Variants in GPC5 observed in about 807,000 individuals in gnomAD.
GPC5 encodes glypican-5.
In GPC5, 47 loss-of-function variants were observed where a neutral mutation model predicts 53.9. The observed-to-expected ratio is 0.87, with a 90% CI of 0.69 to 1.11. GPC5 has a LOEUF of 1.11. GPC5 is among the 50% of genes most tolerant of loss of function. The pLI, the probability that GPC5 is intolerant of heterozygous loss-of-function variation, is 0.00. For synonymous variants in GPC5, 286 were observed against 263.3 expected, an observed-to-expected ratio of 1.09 and a Z score of -0.84; for missense variants, 748 against 713.1, an observed-to-expected ratio of 1.05 and a Z score of -0.56.
At chr13:92,505,936 A>G (rs771314190) in intron 7 of GPC5, among the ~76,000 whole-genome samples, 3 of 152,142 alleles carry the variant, frequency 2.0e-5, no homozygotes, top group Non-Finnish European at 4.4e-5. Flanking sequence ...AAAACAGATC[A>G]GTGGTTGACA....
chr13:92,074,340 A>G (rs2041236193), intron 6 of GPC5, among the ~76,000 whole-genome samples: 1 of 152,196 alleles, frequency 6.6e-6, no homozygotes, highest in Non-Finnish European at 1.5e-5. Context: ...TAAATAATAT[A>G]TGTTTAGAGA....
At chr13:92,309,415 A>G (rs1594089526) in intron 7 of GPC5, among the ~76,000 whole-genome samples, 1 of 150,024 alleles carries the variant, frequency 6.7e-6, no homozygotes. Context: ...TTATTGTGTT[A>G]TTATAAGACT....
At chr13:92,301,443 AAGTT>A (rs1305050094) in intron 7 of GPC5, among the ~76,000 whole-genome samples, 1 of 152,228 alleles carries the variant, frequency 6.6e-6, no homozygotes, top group Non-Finnish European at 1.5e-5. Context: ...AACTATCTGA[AAGTT>A]AGAGAACTTA....
At chr13:92,366,093 A>G (rs1177736062) in intron 7 of GPC5, among the ~76,000 whole-genome samples, 1 of 151,686 alleles carries the variant, frequency 6.6e-6, no homozygotes, top group Non-Finnish European at 1.5e-5. Context: ...TGAGTAATGC[A>G]TCCTGCTATG....
intron 7 of GPC5, among the ~76,000 whole-genome samples, chr13:92,674,820 T>G (rs1166907608): frequency 6.6e-6 from 1 of 152,022 alleles, no homozygotes; most frequent in Non-Finnish European, 1.5e-5. Context: ...GAACCTCACT[T>G]TAGAGAGAAA....
chr13:91,896,215 G>A (rs1265536254), intron 5 of GPC5, among the ~76,000 whole-genome samples: 2 of 151,248 alleles, frequency 1.3e-5, no homozygotes, highest in East Asian at 1.9e-4. Flanking sequence ...CACCTCCCGG[G>A]TTCAAGCAAT....
intron 7 of GPC5, among the ~76,000 whole-genome samples, chr13:92,432,725 G>A (rs1877148152): frequency 6.6e-6 from 1 of 151,846 alleles, no homozygotes; most frequent in Non-Finnish European, 1.5e-5. Context: ...CTTTTTTTAA[G>A]TTAGAGAAGT....
At chr13:92,671,954 C>T (rs1157641044) in intron 7 of GPC5, among the ~76,000 whole-genome samples, 1 of 152,074 alleles carries the variant, frequency 6.6e-6, no homozygotes, top group African/African-American at 2.4e-5. Context: ...AGAACCTGAA[C>T]AAAACTCATT....
chr13:91,693,749 C>G lies in GPC5; in HGVS notation c.888C>G (p.Ile296Met). 1.2e-6 allele frequency: 2 copies of G among 1,614,130 alleles called. No individual in the cohort carries two copies. The highest frequency in any genetic ancestry group is 1.7e-6 in the Non-Finnish European group (2 of 1,180,020). The change falls in exon 3 of 8, where the codon ATC becomes ATG. Residue 296 changes from isoleucine (I) to methionine (M), a missense_variant. Coordinates refer to ENST00000377067, the MANE Select transcript of GPC5 (RefSeq NM_004466.6). Reference protein sequence around the residue: ...AELNPHWHAYIRSLEELSDAM... With the variant: ...AELNPHWHAYMRSLEELSDAM... ...TTAATCCACACTGGCATGCATATAT[C>G]CGGTCGTTGGAAGAACTCTCGGATG...
intron 1 of GPC5, among the ~76,000 whole-genome samples, chr13:91,420,619 A>G (rs1594064781): frequency 1.3e-5 from 2 of 152,210 alleles, no homozygotes; most frequent in South Asian, 2.1e-4. Context: ...TTCCTCTCTC[A>G]TATGGTTTGG....
At position 92,599,805 on chromosome 13, in the gene GPC5, CT is replaced by C. The variant is rs921036323; in HGVS notation, c.1562-266468del. Among the ~76,000 whole-genome samples, 63 of 23,994 alleles carry C rather than the reference CT, an allele frequency of 2.6e-3. 1 individual carries two copies. The highest frequency in any genetic ancestry group is 0.013 in the Admixed American group (19 of 1,422). 15.7% of individuals were successfully genotyped at this position (23,994 alleles called of 152,430 possible). A position where few individuals can be genotyped will look rare whatever the true frequency, so the allele number is the denominator to read the frequency against. On this transcript the variant is annotated intron_variant, in intron 7 of 7. Coordinates refer to ENST00000377067, the MANE Select transcript of GPC5 (RefSeq NM_004466.6). ...ATTAAGAGAGAGGGTTAAATTAAGA[CT>C]TTTTTTTTGTAAAAAAAAATTATTC...
chr13:91,934,265 T>G (rs2139036007), intron 6 of GPC5, among the ~76,000 whole-genome samples: 2 of 152,032 alleles, frequency 1.3e-5, no homozygotes, highest in Middle Eastern at 3.4e-3. Flanking sequence ...AATAATTAAT[T>G]GAAAGCATTT....
chr13:92,299,957 G>T (rs184339623), intron 7 of GPC5, among the ~76,000 whole-genome samples: 49 of 152,270 alleles, frequency 3.2e-4, no homozygotes, highest in Admixed American at 1.3e-3. Flanking sequence ...GTTCTGTAAG[G>T]AGTGTTCCTT....
intron 7 of GPC5, among the ~76,000 whole-genome samples, chr13:92,409,678 A>G (rs1875957343): frequency 6.8e-6 from 1 of 147,572 alleles, no homozygotes. Flanking sequence ...GTTTCAAAGA[A>G]TCTATCCTAG....
chr13:92,681,516 A>T (rs1448020363), intron 7 of GPC5, among the ~76,000 whole-genome samples: 1 of 152,034 alleles, frequency 6.6e-6, no homozygotes, highest in Admixed American at 6.6e-5. Flanking sequence ...CAGCCTCTAC[A>T]CGACTATCAG....
intron 7 of GPC5, among the ~76,000 whole-genome samples, chr13:92,675,137 A>G (rs568662689): frequency 6.7e-6 from 1 of 149,602 alleles, no homozygotes; most frequent in South Asian, 2.2e-4. Context: ...TATCTGATAT[A>G]TATCTTTCAG....
intron 7 of GPC5, among the ~76,000 whole-genome samples, chr13:92,506,194 A>T (rs188235931): frequency 1.2e-4 from 18 of 152,304 alleles, no homozygotes; most frequent in Admixed American, 1.1e-3. Context: ...AGCTTGGAAG[A>T]TGAGCTGCAT....
At chr13:91,603,923 A>AT (rs200727259) in intron 2 of GPC5, among the ~76,000 whole-genome samples, 25 of 142,534 alleles carry the variant, frequency 1.8e-4, no homozygotes, top group East Asian at 6.3e-4. Flanking sequence ...TTCTAGTAGT[A>AT]TTTTTTTTTC....
chr13:91,568,034 A>G (rs1458974731), intron 2 of GPC5, among the ~76,000 whole-genome samples: 1 of 152,112 alleles, frequency 6.6e-6, no homozygotes, highest in Non-Finnish European at 1.5e-5. Context: ...TCACATGCTA[A>G]CACACTCTCC....
Sources: gnomAD v4.1 joint callset for allele counts (sites outside exome capture counted in the v4.1 genomes callset) on GRCh38, gnomAD v4.1.1 for gene constraint, MANE v1.5 for transcripts, NCBI Gene and HGNC (gene_info 2026-07-23, HGNC 2026-07-21) for gene names.